LRP2: variants seen among roughly 807,000 people sequenced by gnomAD.
LRP2 encodes the protein low-density lipoprotein receptor-related protein 2.
A neutral mutation model predicts 531.0 loss-of-function variants in LRP2; 172 were observed. That is an observed-to-expected ratio of 0.32 (90% CI 0.29 to 0.37). The LOEUF (loss-of-function observed/expected upper bound fraction) is 0.37. LRP2 is among the 10% of genes least tolerant of loss of function. The pLI is 1.00. For missense variants in LRP2, 5,167 were observed against 5,868.3 expected (o/e 0.88, Z 3.90); for synonymous variants, 1,992 against 2,027.6 (o/e 0.98, Z 0.47).
chr2:169,348,799 GC>G (rs543235523), intron 1 of LRP2, among the ~76,000 whole-genome samples: 4 of 152,196 alleles, frequency 2.6e-5, no homozygotes, highest in Non-Finnish European at 4.4e-5. Context: ...CACCAGCAGG[GC>G]GGGAGTGGGA....
At chr2:169,230,890 CA>C (rs1157910145) in intron 31 of LRP2, among the ~76,000 whole-genome samples, 1 of 152,054 alleles carries the variant, frequency 6.6e-6, no homozygotes, top group African/African-American at 2.4e-5. Flanking sequence ...TATCTCATAC[CA>C]ACACAATTCT....
At position 169,152,996 on chromosome 2, in the gene LRP2, G is replaced by A. The variant is rs369054335; in HGVS notation, c.12296-32C>T. 5.7e-5 allele frequency: 91 copies of A among 1,607,832 alleles called. No individual in the cohort carries two copies. In the Middle Eastern group the frequency reaches 9.6e-4, roughly 17 times the overall value. ...AGGAAGACACACAGGTCAGTTTCAT[G>A]TCAAGAGCATCAAGTAAAGGAAGAA... On this transcript the variant is annotated intron_variant, in intron 66 of 78. Coordinates refer to ENST00000649046, the MANE Select transcript of LRP2 (RefSeq NM_004525.3).
intron 10 of LRP2, among the ~76,000 whole-genome samples, chr2:169,282,142 A>C (rs758928543): frequency 7.9e-5 from 12 of 152,244 alleles, no homozygotes; most frequent in Non-Finnish European, 1.2e-4. Context: ...GTATTTCTAC[A>C]CAAAAACAAG....
chr2:169,336,073 T>C (rs371258646), intron 1 of LRP2, among the ~76,000 whole-genome samples: 2 of 151,814 alleles, frequency 1.3e-5, no homozygotes, highest in African/African-American at 4.8e-5. Context: ...CTAAACTTTC[T>C]CTTATATAAC....
Position 169,213,776 on chromosome 2 carries a change from T to C in LRP2, c.5921A>G (p.Tyr1974Cys). The C allele has an allele frequency of 6.2e-7, 1 of 1,613,294 alleles. No homozygotes were observed. Among genetic ancestry groups the C allele is most frequent in the Non-Finnish European group, 8.5e-7 (1 of 1,179,308 alleles). ...WGIAVHDSFL[Y>C]YTDEQYEVIE... ...GACCTCATACTGTTCATCAGTATAA[T>C]AAAGGAAAGAATCATGGACTGCAAT... Residue 1974 changes from tyrosine (Y) to cysteine (C), a missense_variant, in exon 36 of 79, where the codon TAT becomes TGT. Tyr to Cys is a radical substitution (Grantham distance 194). Around this residue, in one of 6 missense-constraint regions of LRP2, gnomAD observed 2,811 missense variants for 3,058.0 expected, o/e 0.92. Coordinates refer to ENST00000649046, the MANE Select transcript of LRP2 (RefSeq NM_004525.3).
chr2:169,191,183 T>C (rs57926641), intron 48 of LRP2, among the ~76,000 whole-genome samples: 17,024 of 152,248 alleles, frequency 0.11, 1,758 homozygotes, highest in African/African-American at 0.27. Context: ...TTCCAGCCCT[T>C]CTGCATGATA....
chr2:169,211,865 A>C (rs1227979011), intron 37 of LRP2, 103 bp downstream of exon 37: 1 of 1,463,166 alleles, frequency 6.8e-7, no homozygotes, highest in East Asian at 2.3e-5. Context: ...GGAAAGCTTC[A>C]TTATGCACTG....
chr2:169,191,800 C>A, intron 48 of LRP2, 32 bp downstream of exon 48: 3 of 1,593,702 alleles, frequency 1.9e-6, no homozygotes, highest in South Asian at 2.2e-5. Flanking sequence ...ACATTTGAGG[C>A]ATGCTGGGTA....
At chr2:169,348,095 T>C (rs1033819187) in intron 1 of LRP2, among the ~76,000 whole-genome samples, 12 of 152,230 alleles carry the variant, frequency 7.9e-5, no homozygotes, top group Non-Finnish European at 1.3e-4. Flanking sequence ...TGTCATTGTC[T>C]TGGTCCTTTA....
chr2:169,301,027 G>T (rs1684273474), intron 4 of LRP2, among the ~76,000 whole-genome samples: 1 of 152,074 alleles, frequency 6.6e-6, no homozygotes, highest in Non-Finnish European at 1.5e-5. Context: ...GGACAAAGCA[G>T]CCCCAGTTGC....
At chr2:169,361,318 CTG>C (rs1686143270) in intron 1 of LRP2, among the ~76,000 whole-genome samples, 1 of 110,262 alleles carries the variant, frequency 9.1e-6, no homozygotes, top group African/African-American at 3.3e-5. Flanking sequence ...CTCTGTCTCT[CTG>C]TCTCTCTCTG....
chr2:169,138,437 C>T, intron 75 of LRP2, 140 bp downstream of exon 75: 1 of 891,166 alleles, frequency 1.1e-6, no homozygotes, highest in South Asian at 1.6e-5. Context: ...CCTAATGTTT[C>T]CTAACTTGTG....
Position 169,202,738 on chromosome 2 carries a change from G to T in LRP2, c.8209+18C>A, listed in dbSNP as rs552779035. On this transcript the variant is annotated intron_variant, in intron 43 of 78. Transcript: ENST00000649046. ...GATGCCATTAGCTCCTACCAAAAGC[G>T]CCAAGAGTCCAACTCACCACAGACA... 3 of 1,613,342 alleles carry T rather than the reference G, an allele frequency of 1.9e-6. No homozygotes were observed. The highest frequency in any genetic ancestry group is 4.5e-5 in the East Asian group (2 of 44,868).
chr2:169,212,402 T>A (rs1688626334), intron 36 of LRP2, among the ~76,000 whole-genome samples, 195 bp from the exon 37 acceptor site: 1 of 152,138 alleles, frequency 6.6e-6, no homozygotes, highest in Non-Finnish European at 1.5e-5. Flanking sequence ...ATGAAACCAG[T>A]AACCCAACTA....
rs1258464500 is a variant in LRP2, at chr2:169,328,096, G to A, written c.80-7212C>T. Among the ~76,000 whole-genome samples, 18 of 139,492 alleles carry A rather than the reference G, an allele frequency of 1.3e-4. No individual in the cohort carries two copies. In the South Asian group the frequency reaches 2.8e-3, roughly 21 times the overall value. 91.5% of individuals were successfully genotyped at this position (139,492 alleles called of 152,430 possible). A position where few individuals can be genotyped will look rare whatever the true frequency, so the allele number is the denominator to read the frequency against. On this transcript the variant is annotated intron_variant, in intron 1 of 78. Transcript: ENST00000649046. ...AGCCCCCCGCCCAGCCAGCCGCCCTGTCCAGGAGGTGAGGGGCGCCTCTGC... is the reference window on the plus strand; with the variant it reads ...AGCCCCCCGCCCAGCCAGCCGCCCTATCCAGGAGGTGAGGGGCGCCTCTGC...
At chr2:169,233,278 TG>T in intron 30 of LRP2, 132 bp downstream of exon 30, 1 of 911,670 alleles carries the variant, frequency 1.1e-6, no homozygotes, top group South Asian at 1.4e-5. Flanking sequence ...AAGTATATAG[TG>T]GGGTGGTTTG....
chr2:169,360,433 ATAT>A (rs35673463), intron 1 of LRP2, among the ~76,000 whole-genome samples: 34,900 of 151,986 alleles, frequency 0.23, 4,715 homozygotes, highest in Non-Finnish European at 0.3. Context: ...TTATTATTAT[ATAT>A]TATTATCATA....
chr2:169,139,154 G>C (rs1030869043), intron 74 of LRP2, 97 bp downstream of exon 74: 11 of 1,567,400 alleles, frequency 7.0e-6, no homozygotes, highest in Non-Finnish European at 6.2e-6. Context: ...ACTGCGTATT[G>C]TGCTTTTTTA....
chr2:169,291,036 A>G, intron 7 of LRP2, 39 bp from the exon 8 acceptor site: 3 of 1,594,104 alleles, frequency 1.9e-6, no homozygotes, highest in Non-Finnish European at 2.6e-6. Context: ...GCCATAGGGG[A>G]GGTACAGCCA....
Sources: allele counts gnomAD v4.1 joint callset (sites outside exome capture counted in the v4.1 genomes callset), GRCh38; gene constraint gnomAD v4.1.1; regional missense constraint gnomAD v4.1.1; transcripts MANE v1.5; gene names NCBI Gene and HGNC (gene_info 2026-07-23, HGNC 2026-07-21).